Variants in ZNF529 observed in about 807,000 individuals in gnomAD.
ZNF529 encodes zinc finger protein 529.
Under a neutral mutation model 10.1 loss-of-function variants are expected in ZNF529, and 11 were observed. The ratio of observed to expected loss-of-function variants is 1.09; its 90% CI spans 0.69 to 1.81. The LOEUF is 1.81. Among genes scored for constraint, ZNF529 ranks in the 40% most tolerant of loss-of-function variants. The probability of loss-of-function intolerance (pLI) is 0.00; values close to 1 mark genes in which losing one functional copy is unlikely to be tolerated. For synonymous variants in ZNF529, 204 were observed against 215.7 expected, an observed-to-expected ratio of 0.95 and a Z score of 0.47; for missense variants, 624 against 666.8, an observed-to-expected ratio of 0.94 and a Z score of 0.71.
chr19:36,548,558 A>G (rs2035141568), intron 4 of ZNF529, among the ~76,000 whole-genome samples: 1 of 152,238 alleles, frequency 6.6e-6, no homozygotes, highest in Non-Finnish European at 1.5e-5. Context: ...TGGTAAGCTC[A>G]TTGGTTAAAC....
chr19:36,586,989 G>C (rs1373286575), intron 2 of ZNF529, among the ~76,000 whole-genome samples: 2 of 152,230 alleles, frequency 1.3e-5, no homozygotes, highest in Non-Finnish European at 2.9e-5. Context: ...GAGTGGCTGG[G>C]CGTGGTGGCT....
chr19:36,603,066 C>A (rs1266637751), intron 1 of ZNF529, among the ~76,000 whole-genome samples: 1 of 152,064 alleles, frequency 6.6e-6, no homozygotes, highest in Non-Finnish European at 1.5e-5. Context: ...ACATACTCTG[C>A]AATAATATTC....
At chr19:36,591,943 C>T (rs574868439) in intron 1 of ZNF529, among the ~76,000 whole-genome samples, 1 of 151,986 alleles carries the variant, frequency 6.6e-6, no homozygotes, top group African/African-American at 2.4e-5. Context: ...AAAGAAATGA[C>T]AGACCAAAAA....
chr19:36,563,438 T>C (rs1394403356), intron 2 of ZNF529, among the ~76,000 whole-genome samples: 1 of 147,026 alleles, frequency 6.8e-6, no homozygotes, highest in South Asian at 2.1e-4. Context: ...AAAAAAAAAG[T>C]TGTCTATGGG....
At chr19:36,553,328 G>T (rs753751675) in intron 4 of ZNF529, among the ~76,000 whole-genome samples, 3 of 151,958 alleles carry the variant, frequency 2.0e-5, no homozygotes, top group Non-Finnish European at 4.4e-5. Flanking sequence ...GTAGAGATGG[G>T]GTTTCACCGT....
Position 36,547,190 on chromosome 19 carries a change from T to G in ZNF529, c.1368A>C (p.Gly456=), listed in dbSNP as rs2278168. 5.0e-6 allele frequency: 8 copies of G among 1,613,314 alleles called. No homozygotes were observed. Among genetic ancestry groups the G allele is most frequent in the Non-Finnish European group, 5.9e-6 (7 of 1,179,696 alleles). The change falls in exon 5 of 5, where the codon GGA becomes GGC. Residue 456 remains glycine (G), a synonymous_variant. Transcript: ENST00000591340. ...GGGCTGACGTAAGTCTAAAGAACTT[T>G]CCACACTCCTTACATTCATAAGGTT... The part of the protein sequence containing the change: ...GQKPYECKEC[G]KFFRLTSALI...
At chr19:36,591,259 A>G (rs2036704639) in intron 1 of ZNF529, among the ~76,000 whole-genome samples, 1 of 150,082 alleles carries the variant, frequency 6.7e-6, no homozygotes, top group South Asian at 2.1e-4. Context: ...AGATTGCACC[A>G]CTGTACTCCA....
At chr19:36,561,709 T>C (rs1349336969) in intron 2 of ZNF529, among the ~76,000 whole-genome samples, 1 of 152,200 alleles carries the variant, frequency 6.6e-6, no homozygotes, top group African/African-American at 2.4e-5. Context: ...CAGTGGCACC[T>C]GACTGCAACC....
intron 3 of ZNF529, 126 bp downstream of exon 3, chr19:36,555,978 A>T: frequency 1.1e-6 from 1 of 891,686 alleles, no homozygotes; most frequent in Non-Finnish European, 1.7e-6. Flanking sequence ...CTGTGCTGTT[A>T]GACTCCAGCC....
intron 4 of ZNF529, 29 bp downstream of exon 4, chr19:36,554,641 T>G: frequency 6.6e-7 from 1 of 1,515,456 alleles, no homozygotes. Context: ...GAGAGTATAT[T>G]CTAAGTTATT....
upstream of ZNF529, among the ~76,000 whole-genome samples, chr19:36,575,469 C>T (rs2036293815): frequency 6.6e-6 from 1 of 151,536 alleles, no homozygotes; most frequent in African/African-American, 2.4e-5. Flanking sequence ...CCACCCATCC[C>T]CCCGCCTCCT....
At position 36,547,732 on chromosome 19, in the gene ZNF529, G is replaced by A; in HGVS notation, c.826C>T (p.His276Tyr). The A allele has an allele frequency of 5.6e-6, 9 of 1,613,810 alleles. No individual in the cohort carries two copies. The highest frequency in any genetic ancestry group is 7.6e-6 in the Non-Finnish European group (9 of 1,179,816). ...CATTCAAAGTGTTTCTCACCATCAT[G>A]AACTCTTTGAAGTGGAGTAACTTTT... ...VGKVTPLQRV[H>Y]DGEKHFECSF... The change falls in exon 5 of 5, where the codon CAT (histidine) becomes TAT (tyrosine). Residue 276 changes from histidine (H) to tyrosine (Y), a missense_variant. Physicochemically the swap from His to Tyr is moderately conservative, Grantham distance 83 (BLOSUM62 2). Transcript: ENST00000591340.
chr19:36,567,976 C>G (rs908328443), intron 2 of ZNF529, among the ~76,000 whole-genome samples: 2 of 152,110 alleles, frequency 1.3e-5, no homozygotes, highest in Non-Finnish European at 2.9e-5. Context: ...AACAAAAAGA[C>G]AAACAGCCCA....
intron 2 of ZNF529, among the ~76,000 whole-genome samples, chr19:36,587,614 C>T (rs3096623): frequency 0.33 from 49,571 of 152,000 alleles, 8,436 homozygotes; most frequent in South Asian, 0.42. Flanking sequence ...CCTAAACATC[C>T]GTCAGCTGAT....
At chr19:36,582,319 C>G (rs1191108971) in intron 2 of ZNF529, 2 of 152,076 alleles carry the variant, frequency 1.3e-5, no homozygotes, top group African/African-American at 2.4e-5. Context: ...TACATGTATA[C>G]TTTGCCACCA....
chr19:36,555,827 C>T (rs2035447499), intron 3 of ZNF529, among the ~76,000 whole-genome samples: 1 of 152,148 alleles, frequency 6.6e-6, no homozygotes, highest in Non-Finnish European at 1.5e-5. Context: ...CAAACAGATC[C>T]ATCTGCTTTT....
chr19:36,563,377 C>G (rs1195605844), intron 2 of ZNF529, among the ~76,000 whole-genome samples: 1 of 148,820 alleles, frequency 6.7e-6, no homozygotes, highest in African/African-American at 2.5e-5. Flanking sequence ...AAGCCGAGAT[C>G]ACACCACAGC....
upstream of ZNF529, chr19:36,574,774 A>G (rs1438821695): frequency 2.1e-6 from 1 of 469,488 alleles, no homozygotes; most frequent in East Asian, 7.0e-5. Flanking sequence ...ATATACCACA[A>G]TTTGTGTAGT....
chr19:36,558,203 A>T (rs2035552856), intron 2 of ZNF529, among the ~76,000 whole-genome samples: 1 of 152,140 alleles, frequency 6.6e-6, no homozygotes, highest in African/African-American at 2.4e-5. Context: ...CCACACTGAT[A>T]TAAACAGGAG....
Sources: allele counts gnomAD v4.1 joint callset (sites outside exome capture counted in the v4.1 genomes callset), GRCh38; gene constraint gnomAD v4.1.1; transcripts MANE v1.5; gene names NCBI Gene and HGNC (gene_info 2026-07-23, HGNC 2026-07-21).